ASAP1: variants seen among roughly 807,000 people sequenced by gnomAD.
ASAP1 encodes arf-GAP with SH3 domain, ANK repeat and PH domain-containing protein 1.
ASAP1 carries 43 observed loss-of-function variants against 145.2 expected under a neutral mutation model. That is an observed-to-expected ratio of 0.30 (90% CI 0.23 to 0.38). The LOEUF (loss-of-function observed/expected upper bound fraction) is 0.38, where lower values mean the gene tolerates loss of function less well. Ranked by LOEUF, ASAP1 falls within the 10% of genes least tolerant of loss-of-function variation. The pLI is 1.00. For missense variants in ASAP1, 1,018 were observed against 1,355.3 expected, an observed-to-expected ratio of 0.75 and a Z score of 3.91; for synonymous variants, 546 against 515.5, an observed-to-expected ratio of 1.06 and a Z score of -0.80.
chr8:130,227,668 T>C (rs535398380), intron 4 of ASAP1, among the ~76,000 whole-genome samples: 3 of 149,692 alleles, frequency 2.0e-5, no homozygotes, highest in South Asian at 4.2e-4. Flanking sequence ...ATATATATTA[T>C]ACTATATATA....
chr8:130,074,109 A>T (rs1195389381), intron 27 of ASAP1, among the ~76,000 whole-genome samples: 2 of 151,204 alleles, frequency 1.3e-5, no homozygotes, highest in Non-Finnish European at 2.9e-5. Flanking sequence ...CAAACAAACA[A>T]GTTCTTAAAA....
At chr8:130,333,570 C>T (rs1315960975) in intron 3 of ASAP1, among the ~76,000 whole-genome samples, 1 of 152,204 alleles carries the variant, frequency 6.6e-6, no homozygotes, top group Non-Finnish European at 1.5e-5. Context: ...TGCCATTGCA[C>T]TCCAGCCTGG....
At chr8:130,398,762 G>A (rs1481403429) in intron 2 of ASAP1, among the ~76,000 whole-genome samples, 2 of 152,188 alleles carry the variant, frequency 1.3e-5, no homozygotes, top group East Asian at 1.9e-4. Flanking sequence ...GGAAGAAGCC[G>A]AGGCACAGAG....
chr8:130,425,334 A>AAAGAAGTTCTCTTG (rs1829877121), intron 1 of ASAP1, among the ~76,000 whole-genome samples: 1 of 151,068 alleles, frequency 6.6e-6, no homozygotes, highest in African/African-American at 2.4e-5. Context: ...TCCATCTCAA[A>AAAGAAGTTCTCTTG]ATATATATAT....
At chr8:130,433,897 A>G (rs1187750827) in intron 1 of ASAP1, among the ~76,000 whole-genome samples, 2 of 152,246 alleles carry the variant, frequency 1.3e-5, no homozygotes, top group African/African-American at 4.8e-5. Flanking sequence ...AAAGGCTAAA[A>G]GCAGACTCTT....
Position 130,342,836 on chromosome 8 carries a change from C to T in ASAP1, c.186+15181G>A, listed in dbSNP as rs188806098. ...TTGCTCCAAGAACCTGGTTGCCCCC[C>T]ACCCTACACCCCTCCAGGCACATCT... is the stretch of plus-strand genomic sequence containing the variant. On this transcript the variant is annotated intron_variant, in intron 3 of 29. Transcript: ENST00000518721. Among the ~76,000 whole-genome samples the T allele has an allele frequency of 1.8e-3, 268 of 152,276 alleles. 1 individual carries two copies. The highest frequency in any genetic ancestry group is 0.01 in the Middle Eastern group (3 of 294).
At chr8:130,419,617 C>A (rs1195418124) in intron 1 of ASAP1, among the ~76,000 whole-genome samples, 1 of 152,066 alleles carries the variant, frequency 6.6e-6, no homozygotes, top group Non-Finnish European at 1.5e-5. Context: ...TGACTCTGCA[C>A]CCCAAATTGA....
At chr8:130,117,710 C>T (rs1238487731) in intron 20 of ASAP1, among the ~76,000 whole-genome samples, 1 of 152,200 alleles carries the variant, frequency 6.6e-6, no homozygotes, top group Admixed American at 6.5e-5. Context: ...AATTTAGGAA[C>T]AATGAAAACT....
chr8:130,170,527 A>G (rs780238219), intron 9 of ASAP1, among the ~76,000 whole-genome samples: 2 of 152,198 alleles, frequency 1.3e-5, no homozygotes, highest in African/African-American at 4.8e-5. Flanking sequence ...AACACAGGCT[A>G]TTAGAAGTGG....
At chr8:130,177,705 G>A (rs558877781) in intron 9 of ASAP1, among the ~76,000 whole-genome samples, 1 of 152,146 alleles carries the variant, frequency 6.6e-6, no homozygotes, top group African/African-American at 2.4e-5. Flanking sequence ...TTGAAAAAAA[G>A]TTATCATCAA....
At chr8:130,389,119 T>C (rs1207586617) in intron 2 of ASAP1, among the ~76,000 whole-genome samples, 1 of 151,862 alleles carries the variant, frequency 6.6e-6, no homozygotes, top group Non-Finnish European at 1.5e-5. Context: ...GCTATTAGTA[T>C]TGTTGTTGCT....
At chr8:130,168,708 G>A (rs2097685238) in intron 10 of ASAP1, among the ~76,000 whole-genome samples, 1 of 152,122 alleles carries the variant, frequency 6.6e-6, no homozygotes, top group Admixed American at 6.6e-5. Flanking sequence ...TGCTGACCAA[G>A]GAACACTCAA....
chr8:130,352,797 A>G (rs1826078785), intron 3 of ASAP1, among the ~76,000 whole-genome samples: 1 of 152,240 alleles, frequency 6.6e-6, no homozygotes, highest in Admixed American at 6.5e-5. Flanking sequence ...CTGTTATGAG[A>G]TAGAGCTTGA....
intron 3 of ASAP1, among the ~76,000 whole-genome samples, chr8:130,295,339 C>CT (rs796514172): frequency 1.1e-3 from 159 of 146,268 alleles, no homozygotes; most frequent in Non-Finnish European, 1.6e-3. Context: ...GATAGTAACT[C>CT]TTTTTTTTTT....
At chr8:130,141,273 G>C (rs926541011) in intron 13 of ASAP1, among the ~76,000 whole-genome samples, 5 of 152,058 alleles carry the variant, frequency 3.3e-5, no homozygotes, top group Non-Finnish European at 5.9e-5. Flanking sequence ...ATGACCTCCA[G>C]GCACCAATCG....
chr8:130,107,279 T>G (rs2097538549), intron 24 of ASAP1, among the ~76,000 whole-genome samples: 1 of 147,560 alleles, frequency 6.8e-6, no homozygotes, highest in Non-Finnish European at 1.5e-5. Flanking sequence ...GCTTCCCGGG[T>G]TCACGCCATT....
chr8:130,309,153 T>C (rs1823175004), intron 3 of ASAP1, among the ~76,000 whole-genome samples: 1 of 152,174 alleles, frequency 6.6e-6, no homozygotes, highest in Non-Finnish European at 1.5e-5. Context: ...CATTTGATAA[T>C]ATCTGGAGTG....
intron 3 of ASAP1, among the ~76,000 whole-genome samples, chr8:130,350,149 T>C (rs1825915669): frequency 6.6e-6 from 1 of 152,214 alleles, no homozygotes; most frequent in Admixed American, 6.5e-5. Flanking sequence ...CAGGACTTAA[T>C]GACAGCAGAC....
intron 13 of ASAP1, among the ~76,000 whole-genome samples, chr8:130,151,874 G>T (rs1586453804): frequency 6.6e-6 from 1 of 152,220 alleles, no homozygotes. Context: ...ACAGACACCC[G>T]AGTTTGAACT....
Sources: allele counts gnomAD v4.1 joint callset (sites outside exome capture counted in the v4.1 genomes callset), GRCh38; gene constraint gnomAD v4.1.1; transcripts MANE v1.5; gene names NCBI Gene and HGNC (gene_info 2026-07-23, HGNC 2026-07-21).